Variants in JAKMIP1 observed in about 807,000 individuals in gnomAD.
JAKMIP1 encodes janus kinase and microtubule-interacting protein 1.
In JAKMIP1, 33 loss-of-function variants were observed where a neutral mutation model predicts 113.0. The ratio of observed to expected loss-of-function variants is 0.29; its 90% CI spans 0.22 to 0.39. JAKMIP1 has a LOEUF of 0.39. Ranked by LOEUF, JAKMIP1 falls within the 10% of genes least tolerant of loss-of-function variation. JAKMIP1 has a pLI of 1.00. For missense variants in JAKMIP1, 813 were observed against 1,080.5 expected (o/e 0.75, Z 3.47); for synonymous variants, 480 against 459.9 (o/e 1.04, Z -0.56).
At position 6,064,032 on chromosome 4, in the gene JAKMIP1, G is replaced by A. The variant is rs1578131652; in HGVS notation, c.1431+848C>T. On this transcript the variant is annotated intron_variant, in intron 9 of 20. Coordinates refer to ENST00000409021, the MANE Select transcript of JAKMIP1 (RefSeq NM_001099433.2). The surrounding 1 kb of genome is among the most constrained non-coding windows in gnomAD (Gnocchi z 4.3). ...ATATCCGCACCCCCTTCCCACTCTT[G>A]CTCTTCCCTGGGCTCAGAAAAAGCC... Among the ~76,000 whole-genome samples, 1 of 152,332 alleles carries A rather than the reference G, an allele frequency of 6.6e-6. No homozygotes were observed. Among genetic ancestry groups the A allele is most frequent in the East Asian group, 1.9e-4 (1 of 5,172 alleles).
intron 9 of JAKMIP1, among the ~76,000 whole-genome samples, chr4:6,063,184 T>C (rs1717559895): frequency 2.6e-5 from 4 of 151,186 alleles, no homozygotes; most frequent in Admixed American, 6.6e-5. Flanking sequence ...AAGACACAAA[T>C]ACGAAGGAGC....
intron 2 of JAKMIP1, among the ~76,000 whole-genome samples, chr4:6,107,434 T>C (rs1714138732): frequency 6.6e-6 from 1 of 152,160 alleles, no homozygotes; most frequent in Admixed American, 6.5e-5. Flanking sequence ...AGTCGTTTGG[T>C]CAAACACCAG....
chr4:6,091,401 A>G (rs923593213), intron 3 of JAKMIP1, among the ~76,000 whole-genome samples: 3 of 152,238 alleles, frequency 2.0e-5, no homozygotes, highest in Admixed American at 6.5e-5. Context: ...CATTTTTCCT[A>G]TAACAGAAGA....
chr4:6,065,098 G>A lies in JAKMIP1; in HGVS notation c.1303-90C>T, dbSNP rs1717879016. 2.0e-6 allele frequency: 3 copies of A among 1,512,398 alleles called. No homozygotes were observed. Among genetic ancestry groups the A allele is most frequent in the Admixed American group, 1.7e-5 (1 of 59,478 alleles). The allele number at this position is 1,512,398 out of a possible 1,614,324, so 93.7% of individuals were successfully genotyped here. A position where few individuals can be genotyped will look rare whatever the true frequency, so the allele number is the denominator to read the frequency against. On this transcript the variant is annotated intron_variant, in intron 8 of 20. Coordinates refer to ENST00000409021, the MANE Select transcript of JAKMIP1 (RefSeq NM_001099433.2). The surrounding 1 kb of genome is among the most constrained non-coding windows in gnomAD (Gnocchi z 5.1). ...GTCGTGGGCATGCCAGTGCAGGGGGGTGATGATTGACATTTGGGCCACTGG... is the reference window on the plus strand; with the variant it reads ...GTCGTGGGCATGCCAGTGCAGGGGGATGATGATTGACATTTGGGCCACTGG...
chr4:6,064,692 A>G lies in JAKMIP1; in HGVS notation c.1431+188T>C, dbSNP rs1342943611. Among the ~76,000 whole-genome samples the G allele has an allele frequency of 6.6e-6, 1 of 152,060 alleles. No homozygotes were observed. The highest frequency in any genetic ancestry group is 1.5e-5 in the Non-Finnish European group (1 of 68,006). The stretch of plus-strand genomic sequence containing the variant: ...ACGTGCTGCCCTCCCATCGCCATTC[A>G]TGGAGCCCACAGCTGTGGGGCCCGC... On this transcript the variant is annotated intron_variant, in intron 9 of 20. Transcript: ENST00000409021. The surrounding 1 kb of genome is among the most constrained non-coding windows in gnomAD (Gnocchi z 4.3).
At chr4:6,099,904 C>G (rs1251670580) in intron 3 of JAKMIP1, among the ~76,000 whole-genome samples, 1 of 152,176 alleles carries the variant, frequency 6.6e-6, no homozygotes, top group Non-Finnish European at 1.5e-5. Context: ...TGGGATGCTA[C>G]CGAGGGGCAC....
intron 1 of JAKMIP1, among the ~76,000 whole-genome samples, chr4:6,159,310 C>T (rs957988806): frequency 6.6e-6 from 1 of 151,024 alleles, no homozygotes. Flanking sequence ...TACTTAAAGA[C>T]TCTGGAGGAG....
At chr4:6,095,739 C>T (rs1347740628) in intron 3 of JAKMIP1, among the ~76,000 whole-genome samples, 1 of 152,170 alleles carries the variant, frequency 6.6e-6, no homozygotes, top group African/African-American at 2.4e-5. Flanking sequence ...GGAATTAGCA[C>T]ACTAAAGGGC....
chr4:6,142,764 G>C lies in JAKMIP1; in HGVS notation c.-147-29767C>G, dbSNP rs925428238. On this transcript the variant is annotated intron_variant, in intron 1 of 20. Coordinates refer to ENST00000409021, the MANE Select transcript of JAKMIP1 (RefSeq NM_001099433.2). This position sits in a 1 kb window ranked among gnomAD's most constrained non-coding sequence, Gnocchi z 5.5. ...TGGCCGCAGGCAGAGATCAGTTCAT[G>C]AAGGCAGAGCTGGTTATGTGGCAGA... Among the ~76,000 whole-genome samples, 1 of 152,218 alleles carries C rather than the reference G, an allele frequency of 6.6e-6. No individual in the cohort carries two copies. Among genetic ancestry groups the C allele is most frequent in the African/African-American group, 2.4e-5 (1 of 41,462 alleles).
Position 6,065,335 on chromosome 4 carries a change from C to T in JAKMIP1, c.1303-327G>A, listed in dbSNP as rs1036307802. On this transcript the variant is annotated intron_variant, in intron 8 of 20. Transcript: ENST00000409021. This position sits in a 1 kb window ranked among gnomAD's most constrained non-coding sequence, Gnocchi z 5.1. ...GCAAATGGATTGAGAAGCCACCTCA[C>T]CTGTGAGCACAAAAGGGGGCCATGC... Among the ~76,000 whole-genome samples, 1 of 152,200 alleles carries T rather than the reference C, an allele frequency of 6.6e-6. No homozygotes were observed. The highest frequency in any genetic ancestry group is 1.9e-4 in the East Asian group (1 of 5,192).
At chr4:6,172,227 C>T (rs1724811724) in intron 1 of JAKMIP1, among the ~76,000 whole-genome samples, 1 of 152,202 alleles carries the variant, frequency 6.6e-6, no homozygotes, top group Admixed American at 6.5e-5. Flanking sequence ...TTCCTCCATG[C>T]TGCCCGAGCA....
At chr4:6,082,459 A>G (rs1202883916) in intron 5 of JAKMIP1, among the ~76,000 whole-genome samples, 2 of 151,650 alleles carry the variant, frequency 1.3e-5, no homozygotes, top group Non-Finnish European at 2.9e-5. Flanking sequence ...ACCCATATGT[A>G]TCTTCTTCAT....
chr4:6,087,189 C>T (rs1198121015), intron 3 of JAKMIP1, among the ~76,000 whole-genome samples: 2 of 152,198 alleles, frequency 1.3e-5, no homozygotes, highest in African/African-American at 4.8e-5. Flanking sequence ...CAGACACAGA[C>T]TGCCACAGCA....
At chr4:6,078,439 C>G (rs925862261) in intron 8 of JAKMIP1, among the ~76,000 whole-genome samples, 1 of 144,534 alleles carries the variant, frequency 6.9e-6, no homozygotes, top group Non-Finnish European at 1.5e-5. Flanking sequence ...CCAGTGCGCT[C>G]TTTACATTCC....
intron 1 of JAKMIP1, among the ~76,000 whole-genome samples, chr4:6,123,360 G>A (rs1716969840): frequency 6.6e-6 from 1 of 152,212 alleles, no homozygotes; most frequent in Non-Finnish European, 1.5e-5. Flanking sequence ...CAGCCCCGGG[G>A]CCTAAGGGAC....
At chr4:6,058,918 C>G (rs1716856229) in intron 11 of JAKMIP1, among the ~76,000 whole-genome samples, 2 of 152,294 alleles carry the variant, frequency 1.3e-5, no homozygotes, top group Middle Eastern at 3.4e-3. Flanking sequence ...AACAAAAAAG[C>G]CTTATCATCT....
chr4:6,160,542 A>G (rs1159189267), intron 1 of JAKMIP1, among the ~76,000 whole-genome samples: 1 of 151,972 alleles, frequency 6.6e-6, no homozygotes, highest in Non-Finnish European at 1.5e-5. Context: ...CCCTGGCCCT[A>G]GACCCCTTCC....
chr4:6,100,465 C>G (rs911762163), intron 3 of JAKMIP1, among the ~76,000 whole-genome samples: 1 of 152,188 alleles, frequency 6.6e-6, no homozygotes, highest in Admixed American at 6.5e-5. Flanking sequence ...TATAGACATG[C>G]CACATTTATC....
At chr4:6,035,130 T>C (rs1713237288) in intron 19 of JAKMIP1, among the ~76,000 whole-genome samples, 1 of 152,084 alleles carries the variant, frequency 6.6e-6, no homozygotes, top group Non-Finnish European at 1.5e-5. Flanking sequence ...TCTCTCTCTC[T>C]TTCTCTTTCT....
Sources: allele counts gnomAD v4.1 joint callset (sites outside exome capture counted in the v4.1 genomes callset), GRCh38; gene constraint gnomAD v4.1.1; non-coding constraint Gnocchi (gnomAD v3.1); transcripts MANE v1.5; gene names NCBI Gene and HGNC (gene_info 2026-07-23, HGNC 2026-07-21).